POU2F1: variants seen among roughly 807,000 people sequenced by gnomAD.
POU2F1 encodes POU class 2 homeobox 1.
Under a neutral mutation model 84.9 loss-of-function variants are expected in POU2F1, and 16 were observed. The observed-to-expected ratio is 0.19, with a 90% confidence interval of 0.13 to 0.29. The LOEUF is 0.29. Ranked by LOEUF, POU2F1 falls within the 10% of genes least tolerant of loss-of-function variation. The pLI, the probability that POU2F1 is intolerant of heterozygous loss-of-function variation, is 1.00. For missense variants in POU2F1, 738 were observed against 942.6 expected, an observed-to-expected ratio of 0.78 and a Z score of 2.84; for synonymous variants, 368 against 368.3, an observed-to-expected ratio of 1.00 and a Z score of 0.01.
At chr1:167,330,237 T>C (rs907688889) in intron 1 of POU2F1, among the ~76,000 whole-genome samples, 1 of 152,188 alleles carries the variant, frequency 6.6e-6, no homozygotes, top group African/African-American at 2.4e-5. Flanking sequence ...TCCTATATTG[T>C]CATTTTCTGC....
chr1:167,308,653 G>A (rs1483733013), intron 1 of POU2F1, among the ~76,000 whole-genome samples: 3 of 152,024 alleles, frequency 2.0e-5, no homozygotes, highest in Non-Finnish European at 4.4e-5. Context: ...AGCTTCCTGA[G>A]CAGCTGGCAC....
chr1:167,389,596 C>T lies in POU2F1; in HGVS notation c.822C>T (p.Thr274=). 1 of 1,614,096 alleles carries T rather than the reference C, an allele frequency of 6.2e-7. No homozygotes were observed. Among genetic ancestry groups the T allele is most frequent in the East Asian group, 2.2e-5 (1 of 44,880 alleles). The change falls in exon 9 of 16, where the codon ACC becomes ACT. Residue 274 remains threonine (T), a synonymous_variant. Coordinates refer to ENST00000367866, the MANE Select transcript of POU2F1 (RefSeq NM_002697.4). ...TATTCTTTCTCCAACAGCCAGCAACCCCAACACGCACAATAGCAGCAACCC... is the reference window on the plus strand; with the variant it reads ...TATTCTTTCTCCAACAGCCAGCAACTCCAACACGCACAATAGCAGCAACCC... The part of the protein sequence containing the change: ...PSITLTSQPA[T]PTRTIAATPI...
chr1:167,232,142 A>T (rs950546810), intron 1 of POU2F1, among the ~76,000 whole-genome samples: 3 of 152,296 alleles, frequency 2.0e-5, no homozygotes, highest in Admixed American at 6.5e-5. Context: ...CATCCCGTGA[A>T]TTCTGTATTT....
At chr1:167,251,979 G>A (rs968778236) in intron 1 of POU2F1, among the ~76,000 whole-genome samples, 1 of 149,978 alleles carries the variant, frequency 6.7e-6, no homozygotes, top group Admixed American at 6.6e-5. Context: ...CGAGTAGCTG[G>A]GATTACAGGT....
intron 1 of POU2F1, among the ~76,000 whole-genome samples, chr1:167,247,643 A>G (rs945315733): frequency 6.6e-6 from 1 of 152,194 alleles, no homozygotes; most frequent in African/African-American, 2.4e-5. Flanking sequence ...ACAATGATCC[A>G]GTATACATAC....
At chr1:167,397,638 CAGGTTCA>C (rs1648901653) in intron 10 of POU2F1, among the ~76,000 whole-genome samples, 2 of 152,188 alleles carry the variant, frequency 1.3e-5, no homozygotes, top group African/African-American at 2.4e-5. Context: ...CTCCACCTCC[CAGGTTCA>C]AGTGATTCTC....
In POU2F1 at chr1:167,421,811, C is replaced by T. The variant is rs1181457735; in HGVS notation, c.*6001C>T. Reference sequence around the variant, plus strand: ...ATAGTGGAAATAATTCTAGCTGTAGCATTTAGTTGAACTAATGTTTATTAT... The same window carrying T: ...ATAGTGGAAATAATTCTAGCTGTAGTATTTAGTTGAACTAATGTTTATTAT... On this transcript the variant is annotated 3_prime_UTR_variant, in exon 16 of 16. Transcript: ENST00000367866. The T allele has an allele frequency of 9.6e-5, 14 of 145,838 alleles. No homozygotes were observed. In the Admixed American group the frequency reaches 9.9e-4, roughly 10 times the overall value. 9.0% of individuals were successfully genotyped at this position (145,838 alleles called of 1,614,324 possible). A position where few individuals can be genotyped will look rare whatever the true frequency, so the allele number is the denominator to read the frequency against.
chr1:167,317,500 G>A (rs557893373), intron 1 of POU2F1, among the ~76,000 whole-genome samples: 1 of 152,156 alleles, frequency 6.6e-6, no homozygotes, highest in Non-Finnish European at 1.5e-5. Flanking sequence ...CACGAACAGA[G>A]CTTTACCCAC....
chr1:167,292,208 A>G (rs1313393608), intron 1 of POU2F1, among the ~76,000 whole-genome samples: 2 of 152,236 alleles, frequency 1.3e-5, no homozygotes, highest in Non-Finnish European at 2.9e-5. Context: ...CTATTATATA[A>G]GTCAGAAGGA....
intron 1 of POU2F1, among the ~76,000 whole-genome samples, chr1:167,304,223 T>C (rs1289844616): frequency 6.6e-6 from 1 of 152,242 alleles, no homozygotes; most frequent in Non-Finnish European, 1.5e-5. Flanking sequence ...TCTTTTGATA[T>C]AGCTTATAAT....
In POU2F1 at chr1:167,415,500, C is replaced by G; in HGVS notation, c.1991C>G (p.Ala664Gly). ...MSNSTLATIQ[A>G]LASGGSLPIT... ...TGTTTTGGGGGGTTTTTGTCTGTAG[C>G]TCTTGCTTCTGGTGGCTCTCTTCCA... The change falls in exon 16 of 16, where the codon GCT becomes GGT. Residue 664 changes from alanine to glycine, a missense_variant and splice_region_variant. Ala to Gly is a moderately conservative substitution (Grantham distance 60). Transcript: ENST00000367866. The G allele has an allele frequency of 6.2e-7, 1 of 1,613,522 alleles. No individual in the cohort carries two copies. Among genetic ancestry groups the G allele is most frequent in the Non-Finnish European group, 8.5e-7 (1 of 1,179,674 alleles).
chr1:167,244,953 A>G (rs1014146788), intron 1 of POU2F1, among the ~76,000 whole-genome samples: 2 of 152,204 alleles, frequency 1.3e-5, no homozygotes, highest in African/African-American at 2.4e-5. Context: ...TCTTAATACT[A>G]CATAGCTGTC....
chr1:167,360,749 A>G (rs946434952), intron 2 of POU2F1, among the ~76,000 whole-genome samples: 1 of 152,098 alleles, frequency 6.6e-6, no homozygotes, highest in Non-Finnish European at 1.5e-5. Context: ...TGGTAATTTG[A>G]TAAGACTAGT....
At chr1:167,332,654 A>G in intron 2 of POU2F1, 119 bp downstream of exon 2, 1 of 703,106 alleles carries the variant, frequency 1.4e-6, no homozygotes, top group East Asian at 2.7e-5. Flanking sequence ...TGAGTTGTCA[A>G]ATATGATTCA....
At chr1:167,319,647 C>G (rs1656170447) in intron 1 of POU2F1, among the ~76,000 whole-genome samples, 1 of 151,610 alleles carries the variant, frequency 6.6e-6, no homozygotes, top group Admixed American at 6.6e-5. Context: ...ACTGGAATGC[C>G]CATCACTGCA....
In POU2F1 at chr1:167,423,733, A is replaced by G. The variant is rs986167319; in HGVS notation, c.*7923A>G. ...GTAAAAAACATTGAGGACTGCTGCA[A>G]AGTTTTCCCTTGTTTTCTTTGTGTA... On this transcript the variant is annotated 3_prime_UTR_variant, in exon 16 of 16. Coordinates refer to ENST00000367866, the MANE Select transcript of POU2F1 (RefSeq NM_002697.4). 3.9e-5 allele frequency: 6 copies of G among 152,252 alleles called. No homozygotes were observed. The highest frequency in any genetic ancestry group is 1.2e-4 in the African/African-American group (5 of 41,466). 9.4% of individuals were successfully genotyped at this position (152,252 alleles called of 1,614,324 possible).
intron 1 of POU2F1, among the ~76,000 whole-genome samples, chr1:167,320,059 C>G (rs1656200405): frequency 6.6e-6 from 1 of 151,534 alleles, no homozygotes; most frequent in Non-Finnish European, 1.5e-5. Flanking sequence ...GTATATGAGC[C>G]CTAATGTGAG....
intron 3 of POU2F1, among the ~76,000 whole-genome samples, chr1:167,369,713 G>A (rs1659887474): frequency 6.6e-6 from 1 of 152,026 alleles, no homozygotes; most frequent in African/African-American, 2.4e-5. Context: ...TTTCTACTCT[G>A]GTGTATACAT....
At chr1:167,321,054 A>T (rs1656278692) in intron 1 of POU2F1, among the ~76,000 whole-genome samples, 1 of 152,254 alleles carries the variant, frequency 6.6e-6, no homozygotes. Flanking sequence ...AAAGAGTAGT[A>T]GTCTGAATTT....
Sources: gnomAD v4.1 joint callset for allele counts (sites outside exome capture counted in the v4.1 genomes callset) on GRCh38, gnomAD v4.1.1 for gene constraint, MANE v1.5 for transcripts, NCBI Gene and HGNC (gene_info 2026-07-23, HGNC 2026-07-21) for gene names.